KLF8: variants seen among roughly 807,000 people sequenced by gnomAD.
The protein encoded by KLF8 is KLF transcription factor 8.
Under a neutral mutation model 18.2 loss-of-function variants are expected in KLF8, and 10 were observed. That is an observed-to-expected ratio of 0.55 (90% confidence interval 0.34 to 0.93). The LOEUF is 0.93. Ranked by LOEUF, KLF8 falls within the 40% of genes least tolerant of loss-of-function variation. KLF8 has a pLI of 0.02. For missense variants in KLF8, 264 were observed against 277.9 expected (o/e 0.95, Z 0.36); for synonymous variants, 109 against 97.3 (o/e 1.12, Z -0.71).
the KLF8 span, among the ~76,000 whole-genome samples, chrX:55,941,550 G>C: frequency 2.7e-5 from 3 of 111,915 alleles, no homozygotes; most frequent in African/African-American, 9.7e-5. Context: ...AGCTTCTGCA[G>C]AGCAAAAGAA....
intron 1 of KLF8, among the ~76,000 whole-genome samples, chrX:56,233,779 G>A (rs1483861402): frequency 1.8e-5 from 2 of 112,129 alleles, no homozygotes; most frequent in Non-Finnish European, 3.8e-5. Context: ...CTTCTGAAAA[G>A]AAGGAGGAGG....
chrX:55,941,148 C>T, the KLF8 span, among the ~76,000 whole-genome samples: 1 of 112,108 alleles, frequency 8.9e-6, no homozygotes, highest in Non-Finnish European at 1.9e-5. Context: ...ACCAAAACAG[C>T]ATGGTATTGG....
chrX:56,265,917 GTC>G, intron 3 of KLF8, 173 bp downstream of exon 3: 7 of 1,034,235 alleles, frequency 6.8e-6, no homozygotes, highest in Non-Finnish European at 8.7e-6. Context: ...TGTACAATGA[GTC>G]TTGATTAGAC....
the KLF8 span, among the ~76,000 whole-genome samples, chrX:56,174,198 T>C: frequency 8.9e-6 from 1 of 111,765 alleles, no homozygotes; most frequent in Non-Finnish European, 1.9e-5. Context: ...ATGCTTCCAG[T>C]TTTTGCCCAT....
At chrX:56,112,295 A>T in the KLF8 span, among the ~76,000 whole-genome samples, 9 of 111,184 alleles carry the variant, frequency 8.1e-5, no homozygotes, top group Non-Finnish European at 1.3e-4. Flanking sequence ...GAACACATGG[A>T]TACAGGGAGG....
chrX:56,026,620 G>A, the KLF8 span, among the ~76,000 whole-genome samples: 3 of 111,615 alleles, frequency 2.7e-5, no homozygotes, highest in East Asian at 2.8e-4. Flanking sequence ...CTCTGAGGTC[G>A]GTAGGCAGCA....
intron 1 of KLF8, among the ~76,000 whole-genome samples, chrX:56,249,200 C>A (rs182014926): frequency 3.6e-5 from 4 of 112,499 alleles, no homozygotes; most frequent in African/African-American, 1.3e-4. Context: ...AATCAGGCAG[C>A]CCCCAGAAGA....
At chrX:56,144,510 G>GA in the KLF8 span, among the ~76,000 whole-genome samples, 2 of 109,252 alleles carry the variant, frequency 1.8e-5, no homozygotes, top group Admixed American at 2.0e-4. Flanking sequence ...AGCACTTTGG[G>GA]AGGCCGAGGC....
At chrX:56,174,497 C>T in the KLF8 span, among the ~76,000 whole-genome samples, 407 of 111,875 alleles carry the variant, frequency 3.6e-3, 2 homozygotes, top group African/African-American at 0.013. Flanking sequence ...ATTAGGTTTG[C>T]CAGTATTTTA....
the KLF8 span, among the ~76,000 whole-genome samples, chrX:56,051,251 G>A: frequency 6.3e-5 from 7 of 110,953 alleles, no homozygotes; most frequent in Admixed American, 6.7e-4. Flanking sequence ...TTTAATTGGA[G>A]CATTTAGTCC....
At chrX:55,908,622 A>G in the KLF8 span, 1 of 292,066 alleles carries the variant, frequency 3.4e-6, no homozygotes, top group African/African-American at 2.8e-5. Context: ...TGAGATAATT[A>G]AAATAGACTG....
At chrX:56,062,133 C>T in the KLF8 span, among the ~76,000 whole-genome samples, 36 of 108,584 alleles carry the variant, frequency 3.3e-4, no homozygotes, top group African/African-American at 1.2e-3. Context: ...CAGTCTGTGT[C>T]TTTTAATTGA....
the KLF8 span, among the ~76,000 whole-genome samples, chrX:56,161,847 T>C: frequency 8.9e-6 from 1 of 111,897 alleles, no homozygotes; most frequent in South Asian, 3.8e-4. Flanking sequence ...AGAGGCACTC[T>C]GATTTTTAGA....
intron 5 of KLF8, among the ~76,000 whole-genome samples, chrX:56,283,070 T>C (rs1038335275): frequency 2.7e-5 from 3 of 112,169 alleles, no homozygotes; most frequent in African/African-American, 9.7e-5. Context: ...GGCTTTATTA[T>C]GAGTATACAA....
Position 56,280,245 on chromosome X carries a change from T to C in KLF8, c.899-4068T>C, listed in dbSNP as rs956910367. ...ATTGATTCTTACCATTATCTTTTTTTTTCCCCAAGTCAGAGTCTCACTCTG... is the reference window on the plus strand; with the variant it reads ...ATTGATTCTTACCATTATCTTTTTTCTTCCCCAAGTCAGAGTCTCACTCTG... On this transcript the variant is annotated intron_variant, in intron 5 of 5. Coordinates refer to ENST00000468660, the MANE Select transcript of KLF8 (RefSeq NM_007250.5). Among the ~76,000 whole-genome samples, 3 of 111,887 alleles carry C rather than the reference T, an allele frequency of 2.7e-5. No homozygotes were observed. The East Asian group carries it at 8.4e-4, about 31-fold the overall frequency.
chrX:56,188,531 A>T, the KLF8 span, among the ~76,000 whole-genome samples: 1 of 112,046 alleles, frequency 8.9e-6, no homozygotes, highest in Non-Finnish European at 1.9e-5. Context: ...TTTCAAGTTC[A>T]TATGGAACCA....
chrX:56,024,305 T>C, the KLF8 span, among the ~76,000 whole-genome samples: 1 of 109,334 alleles, frequency 9.1e-6, no homozygotes. Context: ...CCTCCCGAGT[T>C]CAAGCTATTC....
At chrX:56,022,905 CAG>C in the KLF8 span, among the ~76,000 whole-genome samples, 3 of 111,003 alleles carry the variant, frequency 2.7e-5, no homozygotes, top group Non-Finnish European at 5.7e-5. Context: ...CAGAAATAAT[CAG>C]AGAAAATTAT....
chrX:55,947,656 G>A, the KLF8 span, among the ~76,000 whole-genome samples: 2 of 110,955 alleles, frequency 1.8e-5, no homozygotes, highest in Admixed American at 1.9e-4. Context: ...AAATGCAATA[G>A]ACTCCTTGAG....
Sources: allele counts gnomAD v4.1 joint callset (sites outside exome capture counted in the v4.1 genomes callset), GRCh38; gene constraint gnomAD v4.1.1; transcripts MANE v1.5; gene names NCBI Gene and HGNC (gene_info 2026-07-23, HGNC 2026-07-21).